The following TMOD4 variants were observed in gnomAD, a reference collection of about 807,000 sequenced individuals.
TMOD4 encodes the protein tropomodulin 4.
TMOD4 carries 34 observed loss-of-function variants against 45.4 expected under a neutral mutation model. The ratio of observed to expected loss-of-function variants is 0.75; its 90% confidence interval spans 0.57 to 1.00. The LOEUF (loss-of-function observed/expected upper bound fraction) is 1.00, where lower values mean the gene tolerates loss of function less well. Among genes scored for constraint, TMOD4 ranks in the 50% least tolerant of loss-of-function variants. TMOD4 has a pLI of 0.00. For missense variants in TMOD4, 399 were observed against 437.5 expected, an observed-to-expected ratio of 0.91 and a Z score of 0.78; for synonymous variants, 131 against 153.9, an observed-to-expected ratio of 0.85 and a Z score of 1.10.
intron 5 of TMOD4, 75 bp from the exon 6 acceptor site, chr1:151,171,838 CTTTTT>C (rs200165349): frequency 6.9e-6 from 9 of 1,300,190 alleles, no homozygotes; most frequent in East Asian, 2.6e-5. Flanking sequence ...CTTTTCTTTT[CTTTTT>C]TTTTTTTTTT....
chr1:151,170,275 A>C (rs1215826798), intron 9 of TMOD4, 172 bp from the exon 10 acceptor site: 3 of 856,764 alleles, frequency 3.5e-6, no homozygotes, highest in Non-Finnish European at 5.5e-6. Flanking sequence ...ACCACAAATA[A>C]AATTACGATA....
Position 151,170,572 on chromosome 1 carries a change from T to G in TMOD4, c.962A>C (p.Gln321Pro). The change falls in exon 9 of 10, where the codon CAG becomes CCG. Residue 321 changes from glutamine (Q) to proline (P), a missense_variant. Transcript: ENST00000295314. Reference protein sequence around the residue: ...SIVRFGYHFTQQGPRARAAQA... With the variant: ...SIVRFGYHFTPQGPRARAAQA... ...GGCTGCCCGAGCTCGTGGCCCCTGC[T>G]GTGTAAAGTGGTAGCCAAAGCGGAC... The G allele has an allele frequency of 6.2e-7, 1 of 1,614,202 alleles. No individual in the cohort carries two copies. The highest frequency in any genetic ancestry group is 8.5e-7 in the Non-Finnish European group (1 of 1,180,034).
chr1:151,171,596 A>G (rs1683958220), intron 6 of TMOD4, 37 bp downstream of exon 6: 1 of 1,614,030 alleles, frequency 6.2e-7, no homozygotes, highest in Admixed American at 1.7e-5. Flanking sequence ...GTCAGTGGTT[A>G]TCCGGTGTTA....
At chr1:151,172,910 C>T (rs1684002733) in intron 4 of TMOD4, among the ~76,000 whole-genome samples, 1 of 152,194 alleles carries the variant, frequency 6.6e-6, no homozygotes, top group Non-Finnish European at 1.5e-5. Flanking sequence ...CAAGCTCGGC[C>T]TCCTGGGTTC....
chr1:151,174,169 C>T (rs1228076672), intron 3 of TMOD4, among the ~76,000 whole-genome samples: 2 of 151,876 alleles, frequency 1.3e-5, no homozygotes, highest in Non-Finnish European at 2.9e-5. Context: ...TGAGCCGAGA[C>T]TGCACCACTG....
intron 4 of TMOD4, 65 bp downstream of exon 4, chr1:151,173,434 C>T: frequency 8.0e-7 from 1 of 1,245,480 alleles, no homozygotes; most frequent in Non-Finnish European, 1.2e-6. Flanking sequence ...CTCACTAGTC[C>T]CATGTCATGG....
intron 9 of TMOD4, 147 bp from the exon 10 acceptor site, chr1:151,170,250 A>C (rs1457781167): frequency 1.0e-6 from 1 of 960,726 alleles, no homozygotes. Context: ...TTAACAAAAC[A>C]AAACAAGAAA....
chr1:151,172,504 G>A (rs1683991941), intron 4 of TMOD4, 147 bp from the exon 5 acceptor site: 1 of 620,166 alleles, frequency 1.6e-6, no homozygotes, highest in South Asian at 1.9e-5. Flanking sequence ...TCAGCCCCAG[G>A]GGTCCTTTCC....
chr1:151,170,701 T>C, intron 8 of TMOD4, 38 bp from the exon 9 acceptor site: 1 of 1,610,910 alleles, frequency 6.2e-7, no homozygotes, highest in African/African-American at 1.3e-5. Flanking sequence ...AGTCACCCTC[T>C]CTGGGCTGTT....
chr1:151,170,213 T>C (rs1455091387), intron 9 of TMOD4, 110 bp from the exon 10 acceptor site: 2 of 1,298,900 alleles, frequency 1.5e-6, no homozygotes, highest in Admixed American at 1.8e-5. Flanking sequence ...GGTAGTGTCT[T>C]AGGCCACCTT....
Position 151,174,492 on chromosome 1 carries a change from G to A in TMOD4, c.179C>T (p.Thr60Met), listed in dbSNP as rs145543554. 24 of 1,614,194 alleles carry A rather than the reference G, an allele frequency of 1.5e-5. No homozygotes were observed. In the East Asian group the frequency reaches 1.6e-4, roughly 10 times the overall value. ...RQRDQTKKSPTGPLDREALLQ... is the reference protein window; with the variant it reads ...RQRDQTKKSPMGPLDREALLQ... ...AAGGGCCTCTCGGTCCAGTGGCCCC[G>A]TTGGGCTCTTCTTTGTCTGGTCACG... The change falls in exon 3 of 10, where the codon ACG becomes ATG. Residue 60 changes from threonine to methionine, a missense_variant. Transcript: ENST00000295314.
intron 2 of TMOD4, 65 bp downstream of exon 2, chr1:151,174,688 C>T (rs1189367802): frequency 3.7e-6 from 6 of 1,609,264 alleles, no homozygotes; most frequent in Non-Finnish European, 8.5e-7. Context: ...TCTCAGCCAC[C>T]CAGAGCCCAA....
At chr1:151,170,323 A>G (rs975332333) in intron 9 of TMOD4, 196 bp downstream of exon 9, 8 of 860,888 alleles carry the variant, frequency 9.3e-6, no homozygotes, top group Admixed American at 5.0e-5. Context: ...CATCCTTTCT[A>G]CCTCTCTACT....
intron 1 of TMOD4, chr1:151,175,173 CAG>C (rs1417576076): frequency 2.8e-6 from 1 of 350,978 alleles, no homozygotes. Context: ...CACGGTATGA[CAG>C]AGAAATCCTG....
chr1:151,175,618 G>A (rs1182201347), intron 1 of TMOD4: 2 of 152,172 alleles, frequency 1.3e-5, no homozygotes, highest in African/African-American at 2.4e-5. Flanking sequence ...ACCAATGGGT[G>A]TAAATAGGGT....
chr1:151,172,818 T>C (rs1684000258), intron 4 of TMOD4, among the ~76,000 whole-genome samples: 1 of 151,568 alleles, frequency 6.6e-6, no homozygotes, highest in Non-Finnish European at 1.5e-5. Flanking sequence ...GTTGTTGTTT[T>C]TGTTTTTGTT....
At chr1:151,171,838 CTTT>C (rs200165349) in intron 5 of TMOD4, 75 bp from the exon 6 acceptor site, 1,069 of 1,288,044 alleles carry the variant, frequency 8.3e-4, no homozygotes, top group South Asian at 9.6e-4. Flanking sequence ...CTTTTCTTTT[CTTT>C]TTTTTTTTTT....
chr1:151,175,810 A>C (rs1171799609), intron 1 of TMOD4, 114 bp downstream of exon 1: 7 of 152,224 alleles, frequency 4.6e-5, no homozygotes, highest in Non-Finnish European at 1.0e-4. Context: ...GCAGAAATAT[A>C]CACTGAGTGA....
At position 151,170,533 on chromosome 1, in the gene TMOD4, C is replaced by T. The variant is rs148198423; in HGVS notation, c.1001G>A (p.Arg334Gln). Residue 334 changes from arginine to glutamine, a missense_variant, in exon 9 of 10, where the codon CGA becomes CAA. Transcript: ENST00000295314. ...PRARAAQAMT[R>Q]NNELRRQQKK... ...CAGTTACTCACGTAGTTCATTGTTT[C>T]GGGTCATGGCCTGGGCTGCCCGAGC... is the stretch of plus-strand genomic sequence containing the variant. 2.6e-5 allele frequency: 42 copies of T among 1,614,154 alleles called. No individual in the cohort carries two copies. The African/African-American group carries it at 2.7e-4, about 10-fold the overall frequency.
Sources: gnomAD v4.1 joint callset for allele counts (sites outside exome capture counted in the v4.1 genomes callset) on GRCh38, gnomAD v4.1.1 for gene constraint, MANE v1.5 for transcripts, NCBI Gene and HGNC (gene_info 2026-07-23, HGNC 2026-07-21) for gene names.